MTMR9: variants seen among roughly 807,000 people sequenced by gnomAD.
The protein encoded by MTMR9 is myotubularin-related protein 9.
MTMR9 carries 39 observed loss-of-function variants against 69.5 expected under a neutral mutation model. The ratio of observed to expected loss-of-function variants is 0.56; its 90% CI spans 0.43 to 0.73. The LOEUF (loss-of-function observed/expected upper bound fraction) is 0.73. Among genes scored for constraint, MTMR9 ranks in the 30% least tolerant of loss-of-function variants. MTMR9 has a pLI of 0.00. For synonymous variants in MTMR9, 354 were observed against 240.8 expected (o/e 1.47, Z -4.35); for missense variants, 900 against 671.2 (o/e 1.34, Z -3.77).
At chr8:11,295,702 G>C (rs1418923532) in intron 2 of MTMR9, among the ~76,000 whole-genome samples, 4 of 152,280 alleles carry the variant, frequency 2.6e-5, no homozygotes, top group African/African-American at 9.6e-5. Flanking sequence ...GATATTTTAT[G>C]TTCACTATAC....
At chr8:11,287,982 T>C (rs111215909) in intron 1 of MTMR9, among the ~76,000 whole-genome samples, 23,335 of 126,236 alleles carry the variant, frequency 0.18, 2,756 homozygotes, top group African/African-American at 0.33. Flanking sequence ...ATATGTATTA[T>C]ATAATATATA....
downstream of MTMR9, among the ~76,000 whole-genome samples, chr8:11,332,540 G>A (rs569568262): frequency 2.0e-4 from 30 of 151,546 alleles, no homozygotes; most frequent in Admixed American, 9.9e-4. Flanking sequence ...TAGCTGAAAC[G>A]TGCGACAACT....
chr8:11,316,715 T>G lies in MTMR9; in HGVS notation c.1156T>G (p.Cys386Gly). Reference sequence around the variant, plus strand: ...GCAGCGCTGTGCACAGTCAGCCTACTGTAACACCAAGCAGAAGTGGGAGGC... The same window carrying G: ...GCAGCGCTGTGCACAGTCAGCCTACGGTAACACCAAGCAGAAGTGGGAGGC... ...FQQRCAQSAY[C>G]NTKQKWEAPV... Residue 386 changes from cysteine (C) to glycine (G), a missense_variant, in exon 8 of 10, where the codon TGT (cysteine) becomes GGT (glycine). By Grantham distance (159) the Cys-to-Gly change is radical. Transcript: ENST00000221086. The G allele has an allele frequency of 6.2e-7, 1 of 1,613,470 alleles. No individual in the cohort carries two copies. The highest frequency in any genetic ancestry group is 8.5e-7 in the Non-Finnish European group (1 of 1,179,740).
At chr8:11,288,643 A>G (rs976838913) in intron 1 of MTMR9, among the ~76,000 whole-genome samples, 23 of 152,164 alleles carry the variant, frequency 1.5e-4, no homozygotes, top group Admixed American at 5.9e-4. Context: ...CAGGGAACAG[A>G]GAGTACAGGA....
rs71280766 is a variant in MTMR9 at position 11,326,469 on chromosome 8, T to TTTGTTGTTGTTGTTGTTG, written c.*3690_*3707dup. The stretch of plus-strand genomic sequence containing the variant: ...AGTCATTCAGTACATCTGATAAAGT[T>TTTGTTGTTGTTGTTGTTG]TTGTTGTTGTTGTTGTTGTTGTTGT... On this transcript the variant is annotated 3_prime_UTR_variant, in exon 10 of 10. Coordinates refer to ENST00000221086, the MANE Select transcript of MTMR9 (RefSeq NM_015458.4). 8 of 150,838 alleles carry TTTGTTGTTGTTGTTGTTG rather than the reference T, an allele frequency of 5.3e-5. No homozygotes were observed. Among genetic ancestry groups the TTTGTTGTTGTTGTTGTTG allele is most frequent in the African/African-American group, 2.0e-4 (8 of 41,000 alleles). 9.3% of individuals were successfully genotyped at this position (150,838 alleles called of 1,614,324 possible).
rs753959410 is a variant in MTMR9, at chr8:11,285,095, C to G, written c.182+25C>G. On this transcript the variant is annotated intron_variant, in intron 1 of 9. Transcript: ENST00000221086. ...GGTGAGTGCCCGCCCCACCCCAGCTCCGCAGGGAGCCGGGGGTCCCTTGTG... is the reference window on the plus strand; with the variant it reads ...GGTGAGTGCCCGCCCCACCCCAGCTGCGCAGGGAGCCGGGGGTCCCTTGTG... The G allele has an allele frequency of 6.5e-6, 10 of 1,531,036 alleles. 1 individual carries two copies. In the South Asian group the frequency reaches 1.2e-4, roughly 18 times the overall value. 94.8% of individuals were successfully genotyped at this position (1,531,036 alleles called of 1,614,324 possible).
At chr8:11,302,401 C>T (rs541876466) in intron 3 of MTMR9, among the ~76,000 whole-genome samples, 1 of 150,678 alleles carries the variant, frequency 6.6e-6, no homozygotes, top group South Asian at 2.1e-4. Flanking sequence ...CCAGCAAATA[C>T]CATACAAGAT....
chr8:11,333,575 C>T, the MTMR9 span, among the ~76,000 whole-genome samples: 1 of 152,084 alleles, frequency 6.6e-6, no homozygotes, highest in African/African-American at 2.4e-5. Context: ...GAAGTATCTC[C>T]ACGACAGATA....
At chr8:11,330,259 C>G (rs1026196186), downstream of MTMR9, among the ~76,000 whole-genome samples, 1 of 150,550 alleles carries the variant, frequency 6.6e-6, no homozygotes, top group Non-Finnish European at 1.5e-5. Flanking sequence ...GGGTCAGCCC[C>G]CCACCGGCCA....
At chr8:11,291,173 T>C (rs1799369283) in intron 1 of MTMR9, among the ~76,000 whole-genome samples, 2 of 152,208 alleles carry the variant, frequency 1.3e-5, no homozygotes, top group South Asian at 4.2e-4. Flanking sequence ...AAATGAATTG[T>C]TTTGGATTTA....
At chr8:11,334,966 T>A in the MTMR9 span, among the ~76,000 whole-genome samples, 5 of 152,208 alleles carry the variant, frequency 3.3e-5, no homozygotes, top group Non-Finnish European at 7.3e-5. Context: ...CTTAAAAAAA[T>A]TCTGCAGCTA....
intron 1 of MTMR9, among the ~76,000 whole-genome samples, chr8:11,289,086 C>A (rs556639946): frequency 6.6e-6 from 1 of 152,278 alleles, no homozygotes; most frequent in Admixed American, 6.5e-5. Context: ...GCAGGAGAAT[C>A]ACTTCACCCT....
intron 6 of MTMR9, among the ~76,000 whole-genome samples, chr8:11,313,888 C>G (rs1226682587): frequency 6.6e-6 from 1 of 152,150 alleles, no homozygotes; most frequent in Non-Finnish European, 1.5e-5. Context: ...CAAAGTAAAA[C>G]ATGCTGTTGG....
At chr8:11,297,647 C>T (rs2117378516) in intron 2 of MTMR9, among the ~76,000 whole-genome samples, 1 of 152,022 alleles carries the variant, frequency 6.6e-6, no homozygotes, top group South Asian at 2.1e-4. Context: ...GAGATGCTGC[C>T]TGTGGTGAGG....
chr8:11,319,700 C>T lies in MTMR9; in HGVS notation c.1348C>T (p.Leu450=), dbSNP rs1327970825. 1.2e-6 allele frequency: 2 copies of T among 1,613,618 alleles called. No individual in the cohort carries two copies. Among genetic ancestry groups the T allele is most frequent in the African/African-American group, 2.7e-5 (2 of 74,916 alleles). Residue 450 remains leucine (L), a synonymous_variant, in exon 9 of 10, where the codon CTA becomes TTA. Transcript: ENST00000221086. ...NNESERCKLK[L]QQKTMSLWSW... ...TTTCTTGATCAGATGTAAGTTGAAGCTACAGCAGAAGACGATGTCTTTGTG... is the reference window on the plus strand; with the variant it reads ...TTTCTTGATCAGATGTAAGTTGAAGTTACAGCAGAAGACGATGTCTTTGTG...
chr8:11,299,903 A>C, intron 2 of MTMR9, 120 bp from the exon 3 acceptor site: 1 of 1,174,292 alleles, frequency 8.5e-7, no homozygotes, highest in South Asian at 1.5e-5. Context: ...ACAATGTTAG[A>C]GAAACATTCT....
chr8:11,308,649 T>C (rs1455828063), intron 5 of MTMR9, among the ~76,000 whole-genome samples: 1 of 152,250 alleles, frequency 6.6e-6, no homozygotes, highest in Non-Finnish European at 1.5e-5. Context: ...TTGTTCACAG[T>C]AGTCTCTTAT....
At chr8:11,332,173 C>CA (rs778526172), downstream of MTMR9, 4 of 1,581,826 alleles carry the variant, frequency 2.5e-6, no homozygotes, top group Admixed American at 5.5e-5. Flanking sequence ...TAAATAAAGA[C>CA]AAAGACTGAA....
intron 8 of MTMR9, 81 bp downstream of exon 8, chr8:11,316,974 C>T (rs1246606297): frequency 3.2e-5 from 27 of 849,526 alleles, no homozygotes; most frequent in African/African-American, 6.8e-5. Context: ...TCCTAGGAGA[C>T]GACGATTTGG....
Sources: allele counts gnomAD v4.1 joint callset (sites outside exome capture counted in the v4.1 genomes callset), GRCh38; gene constraint gnomAD v4.1.1; transcripts MANE v1.5; gene names NCBI Gene and HGNC (gene_info 2026-07-23, HGNC 2026-07-21).